The following POLR2M variants were observed in gnomAD, a reference collection of about 807,000 sequenced individuals.
POLR2M encodes the protein RNA polymerase II subunit M.
A neutral mutation model predicts 34.6 loss-of-function variants in POLR2M; 30 were observed. The observed-to-expected ratio is 0.87, with a 90% CI of 0.65 to 1.18. POLR2M has a LOEUF of 1.18. Ranked by LOEUF, POLR2M falls within the 50% of genes most tolerant of loss-of-function variation. POLR2M has a pLI of 0.00. For synonymous variants in POLR2M, 150 were observed against 166.7 expected, an observed-to-expected ratio of 0.90 and a Z score of 0.77; for missense variants, 432 against 448.7, an observed-to-expected ratio of 0.96 and a Z score of 0.34.
chr15:57,717,014 A>G lies in POLR2M; in HGVS notation c.*2335A>G, dbSNP rs576505817. 1.1e-4 allele frequency: 16 copies of G among 152,302 alleles called. No individual in the cohort carries two copies. Among genetic ancestry groups the G allele is most frequent in the African/African-American group, 3.1e-4 (13 of 41,568 alleles). The allele number at this position is 152,302 out of a possible 1,614,324, so 9.4% of individuals were successfully genotyped here. A position where few individuals can be genotyped will look rare whatever the true frequency, so the allele number is the denominator to read the frequency against. On this transcript the variant is annotated 3_prime_UTR_variant, in exon 4 of 4. Transcript: ENST00000299638. Reference sequence around the variant, plus strand: ...GTTTGGGGTGAAAAGGAAATTTTTAATCCATCTCAAATGTATTTGGTTATA... The same window carrying G: ...GTTTGGGGTGAAAAGGAAATTTTTAGTCCATCTCAAATGTATTTGGTTATA...
chr15:57,712,522 T>C (rs777558353), intron 3 of POLR2M, among the ~76,000 whole-genome samples: 3 of 152,168 alleles, frequency 2.0e-5, no homozygotes, highest in East Asian at 3.8e-4. Context: ...GTAAAACTCA[T>C]GTGACAGCTT....
At position 57,706,930 on chromosome 15, in the gene POLR2M, C is replaced by G. The variant is rs1250932654; in HGVS notation, c.88C>G (p.Arg30Gly). 1 of 1,603,708 alleles carries G rather than the reference C, an allele frequency of 6.2e-7. No homozygotes were observed. The highest frequency in any genetic ancestry group is 2.2e-5 in the East Asian group (1 of 44,550). Residue 30 changes from arginine to glycine, a missense_variant, in exon 1 of 4, where the codon CGC becomes GGC. Physicochemically the swap from Arg to Gly is moderately radical, Grantham distance 125. Coordinates refer to ENST00000299638, the MANE Select transcript of POLR2M (RefSeq NM_015532.5). ...GGTGGAGCTGCGGGAAATGTTGAAG[C>G]GCCAGGAGAGACTTTTGCGCAACGA... ...SLVELREMLKRQERLLRNEKF... is the reference protein window; with the variant it reads ...SLVELREMLKGQERLLRNEKF...
intron 3 of POLR2M, among the ~76,000 whole-genome samples, chr15:57,712,492 G>T (rs1343850081): frequency 6.6e-6 from 1 of 152,102 alleles, no homozygotes; most frequent in Non-Finnish European, 1.5e-5. Flanking sequence ...TAGTAGCATC[G>T]CATCTCTCCC....
At position 57,712,105 on chromosome 15, in the gene POLR2M, C is replaced by G; in HGVS notation, c.880C>G (p.Leu294Val). The G allele has an allele frequency of 6.2e-7, 1 of 1,614,166 alleles. No individual in the cohort carries two copies. The highest frequency in any genetic ancestry group is 1.1e-5 in the South Asian group (1 of 91,080). ...TGATGACATCACAGCAGCTCGGCTTCTACCACTTCACCATATGCCCACGCA... is the reference window on the plus strand; with the variant it reads ...TGATGACATCACAGCAGCTCGGCTTGTACCACTTCACCATATGCCCACGCA... ...HLDDITAARL[L>V]PLHHMPTQLL... The change falls in exon 3 of 4, where the codon CTA becomes GTA. Residue 294 changes from leucine to valine, a missense_variant. Coordinates refer to ENST00000299638, the MANE Select transcript of POLR2M (RefSeq NM_015532.5).
chr15:57,710,035 A>G (rs1370983586), intron 2 of POLR2M, among the ~76,000 whole-genome samples: 1 of 152,242 alleles, frequency 6.6e-6, no homozygotes, highest in Non-Finnish European at 1.5e-5. Context: ...GTTTAAAAAC[A>G]TGGCTGTAAT....
intron 1 of POLR2M, among the ~76,000 whole-genome samples, chr15:57,708,100 C>T (rs1353942866): frequency 6.6e-6 from 1 of 152,204 alleles, no homozygotes; most frequent in Non-Finnish European, 1.5e-5. Context: ...TTTTTGGTCT[C>T]AGGACTCCGT....
In POLR2M at chr15:57,706,964, G is replaced by A; in HGVS notation, c.113+9G>A. ...AGACTTTTGCGCAACGAGTAAGCTG[G>A]GGTCCCGCGGAGTCTCCGCCAGGCT... is the stretch of plus-strand genomic sequence containing the variant. On this transcript the variant is annotated intron_variant, in intron 1 of 3. Transcript: ENST00000299638. The A allele has an allele frequency of 1.9e-6, 3 of 1,581,310 alleles. No homozygotes were observed. Among genetic ancestry groups the A allele is most frequent in the Non-Finnish European group, 1.7e-6 (2 of 1,163,352 alleles).
In POLR2M at chr15:57,715,022, A is replaced by G. The variant is rs2040886584; in HGVS notation, c.*343A>G. On this transcript the variant is annotated 3_prime_UTR_variant, in exon 4 of 4. Transcript: ENST00000299638. The stretch of plus-strand genomic sequence containing the variant: ...TCCTTTTTCTTACCTATCAAATAGC[A>G]TTTATTACATGTCTTTCAGTGAAAT... 1 of 206,118 alleles carries G rather than the reference A, an allele frequency of 4.9e-6. No individual in the cohort carries two copies. The highest frequency in any genetic ancestry group is 2.4e-5 in the African/African-American group (1 of 42,174). 12.8% of individuals were successfully genotyped at this position (206,118 alleles called of 1,614,324 possible).
At position 57,712,203 on chromosome 15, in the gene POLR2M, T is replaced by G. The variant is rs549658065; in HGVS notation, c.963+15T>G. 90 of 1,613,224 alleles carry G rather than the reference T, an allele frequency of 5.6e-5. No individual in the cohort carries two copies. Among genetic ancestry groups the G allele is most frequent in the Non-Finnish European group, 7.4e-5 (87 of 1,179,732 alleles). ...AGAATTATGAGGTATTTAGAGTATT[T>G]TTTTTCTTGTCTGTTTGTTGGGTGC... On this transcript the variant is annotated intron_variant, in intron 3 of 3. Coordinates refer to ENST00000299638, the MANE Select transcript of POLR2M (RefSeq NM_015532.5).
At chr15:57,708,013 A>C (rs1291683312) in intron 1 of POLR2M, among the ~76,000 whole-genome samples, 1 of 152,164 alleles carries the variant, frequency 6.6e-6, no homozygotes. Flanking sequence ...AAAGGGACAA[A>C]TAAATAATTG....
At position 57,715,834 on chromosome 15, in the gene POLR2M, G is replaced by C. The variant is rs2040919769; in HGVS notation, c.*1155G>C. 1 of 152,204 alleles carries C rather than the reference G, an allele frequency of 6.6e-6. No homozygotes were observed. 9.4% of individuals were successfully genotyped at this position (152,204 alleles called of 1,614,324 possible). The stretch of plus-strand genomic sequence containing the variant: ...CAAATGCTAAGGTGATGTTTTACCG[G>C]GACTTAATTAAATACAACTTTTTCC... On this transcript the variant is annotated 3_prime_UTR_variant, in exon 4 of 4. Transcript: ENST00000299638.
rs183244443 is a variant in POLR2M, at chr15:57,710,059, A to C, written c.758+701A>C. On this transcript the variant is annotated intron_variant, in intron 2 of 3. Transcript: ENST00000299638. Reference sequence around the variant, plus strand: ...CATGGCTGTAATGTATACATGTGTAATGTAATACAATACCATGTTCTTCAA... The same window carrying C: ...CATGGCTGTAATGTATACATGTGTACTGTAATACAATACCATGTTCTTCAA... Among the ~76,000 whole-genome samples, 95 of 152,358 alleles carry C rather than the reference A, an allele frequency of 6.2e-4. 1 individual carries two copies. The highest frequency in any genetic ancestry group is 2.2e-3 in the African/African-American group (90 of 41,580).
Position 57,706,841 on chromosome 15 carries a change from G to C in POLR2M, c.-2G>C. The C allele has an allele frequency of 1.3e-6, 2 of 1,563,668 alleles. No individual in the cohort carries two copies. The highest frequency in any genetic ancestry group is 1.7e-6 in the Non-Finnish European group (2 of 1,153,280). On this transcript the variant is annotated 5_prime_UTR_variant, in exon 1 of 4. Transcript: ENST00000299638. Reference sequence around the variant, plus strand: ...CGCCGCGCCAGCCTCAGCCCGCGCAGAATGTGCTCGCTGCCCCGCGGCTTC... The same window carrying C: ...CGCCGCGCCAGCCTCAGCCCGCGCACAATGTGCTCGCTGCCCCGCGGCTTC...
intron 2 of POLR2M, among the ~76,000 whole-genome samples, 165 bp from the exon 3 acceptor site, chr15:57,711,819 C>T (rs2040729717): frequency 6.6e-6 from 1 of 151,174 alleles, no homozygotes; most frequent in Non-Finnish European, 1.5e-5. Context: ...CCTGTATGCA[C>T]ACAAACACAC....
rs2040580074 is a variant in POLR2M at position 57,708,487 on chromosome 15, C to T, written c.114-227C>T. Among the ~76,000 whole-genome samples, 10 of 152,290 alleles carry T rather than the reference C, an allele frequency of 6.6e-5. No individual in the cohort carries two copies. In the South Asian group the frequency reaches 2.1e-3, roughly 32 times the overall value. On this transcript the variant is annotated intron_variant, in intron 1 of 3. Transcript: ENST00000299638. ...TTGCTGAAATTCTAATTTGCTGAGA[C>T]AAATGAGGCATATATTCCCTATTCT...
At chr15:57,710,775 G>A (rs1417260544) in intron 2 of POLR2M, among the ~76,000 whole-genome samples, 1 of 152,212 alleles carries the variant, frequency 6.6e-6, no homozygotes, top group East Asian at 1.9e-4. Context: ...TCCTGTATAA[G>A]TTAGAGGAGA....
chr15:57,707,281 C>G (rs1319935020), intron 1 of POLR2M: 1 of 829,456 alleles, frequency 1.2e-6, no homozygotes, highest in Non-Finnish European at 1.9e-6. Flanking sequence ...GTCGCCCGCA[C>G]CCCTAACCCA....
At chr15:57,713,821 T>C (rs1595988827) in intron 3 of POLR2M, among the ~76,000 whole-genome samples, 1 of 3,812 alleles carries the variant, frequency 2.6e-4, no homozygotes, top group African/African-American at 6.5e-4. Context: ...TTAGTCCTTC[T>C]TTTTTTTTTT....
intron 1 of POLR2M, chr15:57,707,428 G>A: frequency 1.6e-6 from 1 of 639,152 alleles, no homozygotes; most frequent in South Asian, 1.5e-5. Flanking sequence ...ACGGATTTTA[G>A]CAAGGGAGCC....
Sources: gnomAD v4.1 joint callset for allele counts (sites outside exome capture counted in the v4.1 genomes callset) on GRCh38, gnomAD v4.1.1 for gene constraint, MANE v1.5 for transcripts, NCBI Gene and HGNC (gene_info 2026-07-23, HGNC 2026-07-21) for gene names.